Variants in CELSR1 observed in about 807,000 individuals in gnomAD.
CELSR1 encodes adhesion G protein-coupled receptor C1.
A neutral mutation model predicts 249.1 loss-of-function variants in CELSR1; 110 were observed. The observed-to-expected ratio is 0.44, with a 90% CI of 0.38 to 0.52. The LOEUF (loss-of-function observed/expected upper bound fraction) is 0.52, where lower values mean the gene tolerates loss of function less well. Among genes scored for constraint, CELSR1 ranks in the 20% least tolerant of loss-of-function variants. CELSR1 has a pLI of 0.00. For synonymous variants in CELSR1, 2,113 were observed against 1,900.0 expected (o/e 1.11, Z -2.92); for missense variants, 4,109 against 4,296.4 (o/e 0.96, Z 1.22).
At position 46,436,107 on chromosome 22, in the gene CELSR1, G is replaced by C. The variant is rs918963337; in HGVS notation, c.4522+67C>G. On this transcript the variant is annotated intron_variant, in intron 4 of 34. Transcript: ENST00000674500. This position sits in a 1 kb window ranked among gnomAD's most constrained non-coding sequence, Gnocchi z 5.9. ...GCTTGGAGGCGCTGCACAGGGCGAGGGTCGTTTTAACCCACAAAGTATCTG... is the reference window on the plus strand; with the variant it reads ...GCTTGGAGGCGCTGCACAGGGCGAGCGTCGTTTTAACCCACAAAGTATCTG... 7.9e-7 allele frequency: 1 copy of C among 1,259,190 alleles called. No individual in the cohort carries two copies. The allele number at this position is 1,259,190 out of a possible 1,614,324, so 78.0% of individuals were successfully genotyped here.
At position 46,408,312 on chromosome 22, in the gene CELSR1, T is replaced by C. The variant is rs189773000; in HGVS notation, c.5226+684A>G. Among the ~76,000 whole-genome samples, 4 of 152,332 alleles carry C rather than the reference T, an allele frequency of 2.6e-5. No homozygotes were observed. In the East Asian group the frequency reaches 7.7e-4, roughly 29 times the overall value. ...CTCAAGCTCCCAGAGAAAGTGGACG[T>C]GCATTGGTGCCAACCACCACCTGGC... On this transcript the variant is annotated intron_variant, in intron 9 of 34. Coordinates refer to ENST00000674500, the MANE Select transcript of CELSR1 (RefSeq NM_001378328.1). The surrounding 1 kb of genome is among the most constrained non-coding windows in gnomAD (Gnocchi z 4.6).
In CELSR1 at chr22:46,362,203, C is replaced by T. The variant is rs1283704747; in HGVS notation, c.*1020G>A. 1 of 152,398 alleles carries T rather than the reference C, an allele frequency of 6.6e-6. No individual in the cohort carries two copies. The highest frequency in any genetic ancestry group is 1.5e-5 in the Non-Finnish European group (1 of 68,054). 9.4% of individuals were successfully genotyped at this position (152,398 alleles called of 1,614,324 possible). A position where few individuals can be genotyped will look rare whatever the true frequency, so the allele number is the denominator to read the frequency against. On this transcript the variant is annotated 3_prime_UTR_variant, in exon 35 of 35. Coordinates refer to ENST00000674500, the MANE Select transcript of CELSR1 (RefSeq NM_001378328.1). ...AGCAGGAGCAAAGGACAAAGCCATC[C>T]CCACCTGCAGCTCCCGGGCCACCTG... is the stretch of plus-strand genomic sequence containing the variant.
At chr22:46,371,050 C>G (rs561748886) in intron 25 of CELSR1, among the ~76,000 whole-genome samples, 1 of 152,222 alleles carries the variant, frequency 6.6e-6, no homozygotes, top group African/African-American at 2.4e-5. Context: ...TTCATCTCAG[C>G]GTCTCTCACA....
At chr22:46,372,814 G>A in intron 25 of CELSR1, 69 bp downstream of exon 25, 1 of 1,518,148 alleles carries the variant, frequency 6.6e-7, no homozygotes, top group Non-Finnish European at 8.9e-7. Context: ...AAGGAGGGCA[G>A]CGTTCCTGCA....
At position 46,456,981 on chromosome 22, in the gene CELSR1, C is replaced by T. The variant is rs898480324; in HGVS notation, c.4183+6726G>A. On this transcript the variant is annotated intron_variant, in intron 2 of 34. Coordinates refer to ENST00000674500, the MANE Select transcript of CELSR1 (RefSeq NM_001378328.1). ...AAGCTCAAAGCCAGCAGCACTGAAG[C>T]GCTCCCAAGTGGCTACTCACCTACT... Among the ~76,000 whole-genome samples the T allele has an allele frequency of 3.9e-5, 6 of 152,210 alleles. No individual in the cohort carries two copies. The East Asian group carries it at 7.8e-4, about 20-fold the overall frequency.
In CELSR1 at chr22:46,409,786, T is replaced by C. The variant is rs781132826; in HGVS notation, c.5028A>G (p.Pro1676=). The C allele has an allele frequency of 2.5e-6, 4 of 1,613,496 alleles. No individual in the cohort carries two copies. The highest frequency in any genetic ancestry group is 2.2e-5 in the South Asian group (2 of 91,048). ...CACAGTTCTTCCCGCCGAATCGGAG[T>C]GGACACTCACACAGATACATATTCC... The part of the protein sequence containing the change: ...NRWNMYLCEC[P]LRFGGKNCEQ... The change falls in exon 8 of 35, where the codon CCA becomes CCG. Residue 1676 remains proline (P), a synonymous_variant. Coordinates refer to ENST00000674500, the MANE Select transcript of CELSR1 (RefSeq NM_001378328.1). The surrounding 1 kb of genome is among the most constrained non-coding windows in gnomAD (Gnocchi z 9.8).
rs1167656860 is a variant in CELSR1 at position 46,488,285 on chromosome 22, C to T, written c.3545-23940G>A. Among the ~76,000 whole-genome samples, 1 of 152,020 alleles carries T rather than the reference C, an allele frequency of 6.6e-6. No individual in the cohort carries two copies. The highest frequency in any genetic ancestry group is 1.9e-4 in the East Asian group (1 of 5,188). ...CAGATAGTCCCCAGAGCCAGTGCTA[C>T]ATGGGAAGCCCTGCCCTCCTGGGGA... On this transcript the variant is annotated intron_variant, in intron 1 of 34. Coordinates refer to ENST00000674500, the MANE Select transcript of CELSR1 (RefSeq NM_001378328.1). The surrounding 1 kb of genome is among the most constrained non-coding windows in gnomAD (Gnocchi z 4.7).
At chr22:46,376,229 G>A (rs929374027) in intron 24 of CELSR1, among the ~76,000 whole-genome samples, 1 of 152,120 alleles carries the variant, frequency 6.6e-6, no homozygotes, top group South Asian at 2.1e-4. Context: ...TCCCTTAAAT[G>A]TACTGGTGAG....
At position 46,445,182 on chromosome 22, in the gene CELSR1, G is replaced by A. The variant is rs1304300545; in HGVS notation, c.4184-5771C>T. On this transcript the variant is annotated intron_variant, in intron 2 of 34. Transcript: ENST00000674500. This position sits in a 1 kb window ranked among gnomAD's most constrained non-coding sequence, Gnocchi z 4.4. ...CCATAGTCCAGTCTGGGTGACAAGAGCGAAACTCCACCTCAAAAATAAAAA... is the reference window on the plus strand; with the variant it reads ...CCATAGTCCAGTCTGGGTGACAAGAACGAAACTCCACCTCAAAAATAAAAA... Among the ~76,000 whole-genome samples the A allele has an allele frequency of 6.6e-6, 1 of 151,608 alleles. No individual in the cohort carries two copies. Among genetic ancestry groups the A allele is most frequent in the East Asian group, 1.9e-4 (1 of 5,154 alleles).
intron 5 of CELSR1, among the ~76,000 whole-genome samples, chr22:46,422,362 C>T (rs2079484219): frequency 6.6e-6 from 1 of 151,968 alleles, no homozygotes; most frequent in South Asian, 2.1e-4. Flanking sequence ...CCTGCCTCGG[C>T]CTCCCAAAGT....
In CELSR1 at chr22:46,537,456, CGGCGGCTCCA is replaced by C. The variant is rs980066354; in HGVS notation, c.-296_-287del. ...GCCGCGCATCAACCTGCGGCGGCGG[CGGCGGCTCCA>C]GGCGGCTCCAGGTGGCTCCGGCGCG... On this transcript the variant is annotated 5_prime_UTR_variant, in exon 1 of 35. Transcript: ENST00000674500. The surrounding 1 kb of genome is among the most constrained non-coding windows in gnomAD (Gnocchi z 5.8). Among the ~76,000 whole-genome samples the C allele has an allele frequency of 4.8e-3, 723 of 149,544 alleles. 4 individuals are homozygous for C. The highest frequency in any genetic ancestry group is 0.016 in the African/African-American group (642 of 41,212).
At chr22:46,426,243 G>C (rs2079537099) in intron 5 of CELSR1, among the ~76,000 whole-genome samples, 1 of 150,530 alleles carries the variant, frequency 6.6e-6, no homozygotes, top group Non-Finnish European at 1.5e-5. Context: ...AGGAAAATGA[G>C]AACAAGGTTT....
intron 1 of CELSR1, chr22:46,481,277 T>TA (rs35750169): frequency 6.5e-6 from 3 of 459,962 alleles, no homozygotes; most frequent in Admixed American, 3.3e-5. Context: ...CAATTCCTTA[T>TA]AAAAAATACA....
rs2079076605 is a variant in CELSR1, at chr22:46,390,380, AG to A, written c.6345+11del. 6.2e-7 allele frequency: 1 copy of A among 1,606,324 alleles called. No individual in the cohort carries two copies. Among genetic ancestry groups the A allele is most frequent in the Non-Finnish European group, 8.5e-7 (1 of 1,174,942 alleles). On this transcript the variant is annotated intron_variant, in intron 17 of 34. Transcript: ENST00000674500. The surrounding 1 kb of genome is among the most constrained non-coding windows in gnomAD (Gnocchi z 6.3). ...TGCCCCTGCTGAACACACATCCCCG[AG>A]GCGCCCCTACCATGGCCCTGAGGTC...
At chr22:46,487,664 G>A (rs1208428129) in intron 1 of CELSR1, among the ~76,000 whole-genome samples, 1 of 5,070 alleles carries the variant, frequency 2.0e-4, no homozygotes, top group Non-Finnish European at 3.6e-4. Context: ...TCCAGGGTGC[G>A]GGGGAGGGGA....
In CELSR1 at chr22:46,536,800, C is replaced by T. The variant is rs984017179; in HGVS notation, c.371G>A (p.Gly124Asp). 1.1e-5 allele frequency: 13 copies of T among 1,194,990 alleles called. No homozygotes were observed. The African/African-American group carries it at 1.9e-4, about 18-fold the overall frequency. 74.0% of individuals were successfully genotyped at this position (1,194,990 alleles called of 1,614,324 possible). The change falls in exon 1 of 35, where the codon GGT (glycine) becomes GAT (aspartate). Residue 124 changes from glycine (G) to aspartate (D), a missense_variant. Gly to Asp is a moderately conservative substitution (Grantham distance 94, BLOSUM62 -1). Around this residue, in one of 7 missense-constraint regions of CELSR1, gnomAD observed 673 missense variants for 636.8 expected, o/e 1.06. Coordinates refer to ENST00000674500, the MANE Select transcript of CELSR1 (RefSeq NM_001378328.1). ...CGARARLCGT[G>D]ARLCGALCFP... ...GCAGAGCGCCCCGCAGAGCCGGGCA[C>T]CGGTTCCGCAGAGCCGGGCACGGGC...
At chr22:46,524,137 G>A (rs1460965363) in intron 1 of CELSR1, among the ~76,000 whole-genome samples, 1 of 152,250 alleles carries the variant, frequency 6.6e-6, no homozygotes, top group Non-Finnish European at 1.5e-5. Context: ...AGACCCCAGA[G>A]TCTGCGCCTG....
chr22:46,380,618 T>C lies in CELSR1; in HGVS notation c.7256+170A>G, dbSNP rs556153230. 1.3e-5 allele frequency among the ~76,000 whole-genome samples: 2 copies of C among 152,278 alleles called. No individual in the cohort carries two copies. The highest frequency in any genetic ancestry group is 4.1e-4 in the South Asian group (2 of 4,824). ...GGACATCTAGGGGAGGACTCTGATA[T>C]TCCCACAGAAGCAGAGCAGGAGGCT... On this transcript the variant is annotated intron_variant, in intron 22 of 34. Transcript: ENST00000674500. This position sits in a 1 kb window ranked among gnomAD's most constrained non-coding sequence, Gnocchi z 5.1.
intron 2 of CELSR1, among the ~76,000 whole-genome samples, chr22:46,456,556 G>C (rs1000025828): frequency 6.6e-6 from 1 of 151,304 alleles, no homozygotes; most frequent in African/African-American, 2.4e-5. Flanking sequence ...CCAGCTACTC[G>C]GGAGGCTGAG....
Sources: gnomAD v4.1 joint callset for allele counts (sites outside exome capture counted in the v4.1 genomes callset) on GRCh38, gnomAD v4.1.1 for gene constraint, gnomAD v4.1.1 regional missense constraint, Gnocchi (gnomAD v3.1) non-coding constraint, MANE v1.5 for transcripts, NCBI Gene and HGNC (gene_info 2026-07-23, HGNC 2026-07-21) for gene names.